The following ITGA1 variants were observed in gnomAD, a reference collection of about 807,000 sequenced individuals.
The protein encoded by ITGA1 is integrin alpha-1.
A neutral mutation model predicts 145.9 loss-of-function variants in ITGA1; 85 were observed. The observed-to-expected ratio is 0.58, with a 90% CI of 0.49 to 0.70. The LOEUF (loss-of-function observed/expected upper bound fraction) is 0.70, where lower values mean the gene tolerates loss of function less well. Among genes scored for constraint, ITGA1 ranks in the 30% least tolerant of loss-of-function variants. The pLI is 0.00. For synonymous variants in ITGA1, 520 were observed against 495.3 expected (o/e 1.05, Z -0.66); for missense variants, 1,351 against 1,418.7 (o/e 0.95, Z 0.77).
intron 26 of ITGA1, among the ~76,000 whole-genome samples, chr5:52,940,205 T>G (rs991079306): frequency 6.6e-6 from 1 of 152,176 alleles, no homozygotes; most frequent in African/African-American, 2.4e-5. Flanking sequence ...CTTTGTACTT[T>G]AAGAGATAAA....
At chr5:52,908,346 C>T (rs1750443157) in intron 12 of ITGA1, among the ~76,000 whole-genome samples, 1 of 152,144 alleles carries the variant, frequency 6.6e-6, no homozygotes. Context: ...AATGAGAAAA[C>T]ATATTGCTAC....
intron 10 of ITGA1, 68 bp from the exon 11 acceptor site, chr5:52,898,171 A>T: frequency 2.0e-6 from 2 of 1,009,378 alleles, no homozygotes; most frequent in Non-Finnish European, 2.8e-6. Flanking sequence ...ACACATTGTT[A>T]ATGGTGTTTA....
At chr5:52,947,958 C>T (rs745666163) in intron 28 of ITGA1, among the ~76,000 whole-genome samples, 3 of 152,080 alleles carry the variant, frequency 2.0e-5, no homozygotes, top group Admixed American at 6.6e-5. Flanking sequence ...ATATATGGCA[C>T]ATTTTATGTA....
At chr5:52,844,357 G>A (rs1385412109) in intron 1 of ITGA1, among the ~76,000 whole-genome samples, 1 of 152,172 alleles carries the variant, frequency 6.6e-6, no homozygotes, top group Non-Finnish European at 1.5e-5. Context: ...CCTCTCAGGA[G>A]ATGCAGTTAT....
chr5:52,932,500 C>A (rs1388014357), intron 22 of ITGA1: 1 of 169,004 alleles, frequency 5.9e-6, no homozygotes, highest in Non-Finnish European at 1.3e-5. Flanking sequence ...TCTTGGTCAT[C>A]GTTCTCATCC....
intron 1 of ITGA1, among the ~76,000 whole-genome samples, chr5:52,838,964 G>A (rs1749207358): frequency 6.6e-6 from 1 of 152,090 alleles, no homozygotes; most frequent in Non-Finnish European, 1.5e-5. Flanking sequence ...AGGCATGGTG[G>A]CATGTGCCTC....
chr5:52,882,640 T>C (rs1029243949), intron 7 of ITGA1, among the ~76,000 whole-genome samples: 3 of 152,186 alleles, frequency 2.0e-5, no homozygotes, highest in African/African-American at 7.2e-5. Flanking sequence ...GTTTTCCTTA[T>C]GGTGAACACA....
intron 6 of ITGA1, among the ~76,000 whole-genome samples, chr5:52,881,260 C>G (rs1749953036): frequency 6.6e-6 from 1 of 152,180 alleles, no homozygotes; most frequent in Non-Finnish European, 1.5e-5. Context: ...TTCCTCACAG[C>G]CCTGGCCATG....
At position 52,910,392 on chromosome 5, in the gene ITGA1, C is replaced by G; in HGVS notation, c.1830C>G (p.Gly610=). The G allele has an allele frequency of 1.2e-6, 2 of 1,613,570 alleles. No homozygotes were observed. Among genetic ancestry groups the G allele is most frequent in the Non-Finnish European group, 1.7e-6 (2 of 1,179,708 alleles). The stretch of plus-strand genomic sequence containing the variant: ...CTGTGTACATTTATCATGGAAGTGG[C>G]AAGACTATAAGGAAAGAGTATGCAC... ...GGAVYIYHGS[G]KTIRKEYAQR... The change falls in exon 14 of 29, where the codon GGC becomes GGG. Residue 610 remains glycine (G), a synonymous_variant. Coordinates refer to ENST00000282588, the MANE Select transcript of ITGA1 (RefSeq NM_181501.2).
chr5:52,887,910 TGAA>T lies in ITGA1; in HGVS notation c.874_876del (p.Lys292del), dbSNP rs760700082. The T allele has an allele frequency of 3.1e-6, 5 of 1,614,070 alleles. No individual in the cohort carries two copies. The highest frequency in any genetic ancestry group is 4.2e-6 in the Non-Finnish European group (5 of 1,179,908). On this transcript the variant is annotated inframe_deletion, in exon 8 of 29. Coordinates refer to ENST00000282588, the MANE Select transcript of ITGA1 (RefSeq NM_181501.2). ...GGAGAGTCTCATGACAATCATCGAC[TGAA>T]GAAGGTCATCCAAGACTGTGAAGAT...
In ITGA1 at chr5:52,881,979, G is replaced by A; in HGVS notation, c.731G>A (p.Gly244Asp). ...LVAAKKIVQR[G>D]GRQTMTALGI... ...GCAGCAAAGAAAATAGTCCAGAGAG[G>A]TGGCCGCCAGACTATGACAGCTCTT... is the stretch of plus-strand genomic sequence containing the variant. Residue 244 changes from glycine (G) to aspartate (D), a missense_variant, in exon 7 of 29, where the codon GGT (glycine) becomes GAT (aspartate). Gly to Asp is a moderately conservative substitution (Grantham distance 94, BLOSUM62 -1). Coordinates refer to ENST00000282588, the MANE Select transcript of ITGA1 (RefSeq NM_181501.2). 6.2e-7 allele frequency: 1 copy of A among 1,613,674 alleles called. No homozygotes were observed. Among genetic ancestry groups the A allele is most frequent in the Non-Finnish European group, 8.5e-7 (1 of 1,179,774 alleles).
chr5:52,932,038 A>G lies in ITGA1; in HGVS notation c.2772-9A>G, dbSNP rs1579726882. ...AATGGTTTGTCTGAATGTGCCGTGTATTTTCTAGTGACAGCGAAGAACCTC... is the reference window on the plus strand; with the variant it reads ...AATGGTTTGTCTGAATGTGCCGTGTGTTTTCTAGTGACAGCGAAGAACCTC... On this transcript the variant is annotated splice_polypyrimidine_tract_variant and intron_variant, in intron 21 of 28. Transcript: ENST00000282588. The G allele has an allele frequency of 2.6e-6, 4 of 1,540,358 alleles. No individual in the cohort carries two copies. Among genetic ancestry groups the G allele is most frequent in the Admixed American group, 1.7e-5 (1 of 59,598 alleles).
chr5:52,855,351 A>G (rs937835677), intron 2 of ITGA1, among the ~76,000 whole-genome samples: 2 of 152,208 alleles, frequency 1.3e-5, no homozygotes, highest in South Asian at 4.1e-4. Flanking sequence ...ATGGAAAAAA[A>G]AAGATTTTAC....
chr5:52,842,270 T>C (rs1373333986), intron 1 of ITGA1, among the ~76,000 whole-genome samples: 4 of 152,172 alleles, frequency 2.6e-5, no homozygotes, highest in Non-Finnish European at 5.9e-5. Context: ...GTACTCCTCC[T>C]CCCTGGCTAG....
rs916030655 is a variant in ITGA1, at chr5:52,956,515, A to C, written c.*4064A>C. 7.2e-5 allele frequency: 11 copies of C among 152,210 alleles called. No homozygotes were observed. Among genetic ancestry groups the C allele is most frequent in the Non-Finnish European group, 2.9e-5 (2 of 68,042 alleles). The allele number at this position is 152,210 out of a possible 1,614,324, so 9.4% of individuals were successfully genotyped here. ...GAGTACCAGCTTCAGTGACTCAATCATTTATACAGGATTTCAGTGTTTTGT... is the reference window on the plus strand; with the variant it reads ...GAGTACCAGCTTCAGTGACTCAATCCTTTATACAGGATTTCAGTGTTTTGT... On this transcript the variant is annotated 3_prime_UTR_variant, in exon 29 of 29. Coordinates refer to ENST00000282588, the MANE Select transcript of ITGA1 (RefSeq NM_181501.2).
intron 1 of ITGA1, among the ~76,000 whole-genome samples, chr5:52,847,904 A>G (rs533301569): frequency 4.6e-5 from 7 of 152,326 alleles, no homozygotes; most frequent in African/African-American, 1.7e-4. Context: ...TCACAAGCAT[A>G]CTTTAAAAAC....
At position 52,954,578 on chromosome 5, in the gene ITGA1, A is replaced by C. The variant is rs1294431813; in HGVS notation, c.*2127A>C. ...GGCTATTAAGTAAAATATTTCATGA[A>C]CCAGAAGTCCTGTTTCTCTAATATT... On this transcript the variant is annotated 3_prime_UTR_variant, in exon 29 of 29. Transcript: ENST00000282588. The C allele has an allele frequency of 6.6e-6, 1 of 152,096 alleles. No homozygotes were observed. Among genetic ancestry groups the C allele is most frequent in the African/African-American group, 2.4e-5 (1 of 41,408 alleles). The allele number at this position is 152,096 out of a possible 1,614,324, so 9.4% of individuals were successfully genotyped here.
chr5:52,888,598 G>T (rs1374926771), intron 8 of ITGA1, among the ~76,000 whole-genome samples: 2 of 152,322 alleles, frequency 1.3e-5, no homozygotes, highest in African/African-American at 2.4e-5. Context: ...TAAGCTCCTG[G>T]TATAGACCTT....
At chr5:52,902,115 A>T (rs1190027974) in intron 11 of ITGA1, 1 of 152,170 alleles carries the variant, frequency 6.6e-6, no homozygotes, top group Non-Finnish European at 1.5e-5. Context: ...GTGGATTGCA[A>T]GTTGTAAGGC....
Sources: gnomAD v4.1 joint callset for allele counts (sites outside exome capture counted in the v4.1 genomes callset) on GRCh38, gnomAD v4.1.1 for gene constraint, MANE v1.5 for transcripts, NCBI Gene and HGNC (gene_info 2026-07-23, HGNC 2026-07-21) for gene names.